Variants in COLEC10 observed in about 807,000 individuals in gnomAD.
COLEC10 encodes collectin-10.
Under a neutral mutation model 28.4 loss-of-function variants are expected in COLEC10, and 22 were observed. The ratio of observed to expected loss-of-function variants is 0.78; its 90% CI spans 0.55 to 1.11. COLEC10 has a LOEUF of 1.11. Ranked by LOEUF, COLEC10 falls within the 50% of genes least tolerant of loss-of-function variation. The pLI is 0.00. For missense variants in COLEC10, 361 were observed against 344.1 expected (o/e 1.05, Z -0.39); for synonymous variants, 125 against 116.1 (o/e 1.08, Z -0.49).
intron 2 of COLEC10, among the ~76,000 whole-genome samples, chr8:119,017,189 T>C (rs1814010060): frequency 6.6e-6 from 1 of 152,140 alleles, no homozygotes; most frequent in African/African-American, 2.4e-5. Context: ...TATCCGAGGA[T>C]ATATTGCTAG....
chr8:118,964,430 C>CA, the COLEC10 span, among the ~76,000 whole-genome samples: 1 of 152,110 alleles, frequency 6.6e-6, no homozygotes, highest in Non-Finnish European at 1.5e-5. Context: ...ATAAACTCTC[C>CA]AGTCCTCAGT....
chr8:119,105,444 A>G (rs1420807638), intron 5 of COLEC10, among the ~76,000 whole-genome samples: 1 of 152,160 alleles, frequency 6.6e-6, no homozygotes, highest in African/African-American at 2.4e-5. Context: ...TGGAAGTATA[A>G]GAGAAAAGGG....
At chr8:119,033,879 T>C (rs1422406582) in intron 2 of COLEC10, among the ~76,000 whole-genome samples, 1 of 152,174 alleles carries the variant, frequency 6.6e-6, no homozygotes, top group Non-Finnish European at 1.5e-5. Context: ...GACCCAGCAA[T>C]CCTATTATTG....
chr8:119,011,991 A>C (rs957375097), intron 2 of COLEC10, among the ~76,000 whole-genome samples: 4 of 150,502 alleles, frequency 2.7e-5, no homozygotes, highest in Non-Finnish European at 5.9e-5. Context: ...ACTTCTTTTC[A>C]GTATGATATT....
chr8:119,014,054 C>A lies in COLEC10; in HGVS notation n.235+4501C>A, dbSNP rs1392943695. On this transcript the variant is annotated intron_variant and non_coding_transcript_variant, in intron 2 of 6. Coordinates refer to the COLEC10 transcript ENST00000521788. ...ACTCACACAGACACATATACACACA[C>A]ATTCAAATACATTGCTGCTATTATA... Among the ~76,000 whole-genome samples, 5 of 150,822 alleles carry A rather than the reference C, an allele frequency of 3.3e-5. 1 individual carries two copies. In the Middle Eastern group the frequency reaches 0.01, roughly 308 times the overall value.
chr8:119,100,718 C>T (rs1815809577), intron 3 of COLEC10, among the ~76,000 whole-genome samples: 1 of 152,180 alleles, frequency 6.6e-6, no homozygotes, highest in Non-Finnish European at 1.5e-5. Flanking sequence ...ACTATGTTAT[C>T]TCTCTGTTCA....
chr8:118,964,582 G>T, the COLEC10 span, among the ~76,000 whole-genome samples: 1 of 152,120 alleles, frequency 6.6e-6, no homozygotes, highest in Non-Finnish European at 1.5e-5. Context: ...TTTCTGTAGG[G>T]CACTGAAGAA....
chr8:118,992,694 A>G (rs1813522375), upstream of COLEC10, among the ~76,000 whole-genome samples: 1 of 152,174 alleles, frequency 6.6e-6, no homozygotes, highest in African/African-American at 2.4e-5. Context: ...AGAAACTATG[A>G]TAAACTACCC....
chr8:119,075,137 T>C (rs1815202161), intron 1 of COLEC10, among the ~76,000 whole-genome samples: 6 of 152,224 alleles, frequency 3.9e-5, no homozygotes, highest in Admixed American at 3.9e-4. Context: ...AGGCAGGCTA[T>C]TCTACTGGCC....
At chr8:119,095,279 TG>T (rs1815688478) in intron 3 of COLEC10, among the ~76,000 whole-genome samples, 1 of 152,254 alleles carries the variant, frequency 6.6e-6, no homozygotes, top group African/African-American at 2.4e-5. Context: ...CTACACATAA[TG>T]GACAAGAAAT....
intron 1 of COLEC10, among the ~76,000 whole-genome samples, chr8:119,085,616 T>TG (rs1815464585): frequency 9.7e-6 from 1 of 103,070 alleles, no homozygotes; most frequent in Non-Finnish European, 2.2e-5. Flanking sequence ...TTTTTTTTTT[T>TG]TTTTTTGTTG....
chr8:119,002,522 C>A (rs914786325), intron 1 of COLEC10, among the ~76,000 whole-genome samples: 1 of 152,068 alleles, frequency 6.6e-6, no homozygotes, highest in Non-Finnish European at 1.5e-5. Context: ...ACTCTGGATT[C>A]GGGGCCAGGA....
At chr8:118,968,644 A>G in the COLEC10 span, among the ~76,000 whole-genome samples, 1 of 151,898 alleles carries the variant, frequency 6.6e-6, no homozygotes, top group Non-Finnish European at 1.5e-5. Flanking sequence ...ATACACACAC[A>G]CATTAAATTC....
intron 1 of COLEC10, among the ~76,000 whole-genome samples, chr8:119,073,679 A>C (rs193244728): frequency 3.9e-5 from 6 of 152,236 alleles, no homozygotes; most frequent in Admixed American, 3.3e-4. Context: ...GGAAGAATAA[A>C]ATTCCAGTCA....
chr8:118,983,152 T>G, the COLEC10 span, among the ~76,000 whole-genome samples: 1 of 152,150 alleles, frequency 6.6e-6, no homozygotes, highest in African/African-American at 2.4e-5. Flanking sequence ...AGAATTAGAG[T>G]GAGATCCTTT....
intron 3 of COLEC10, among the ~76,000 whole-genome samples, chr8:119,092,310 G>A (rs905789250): frequency 6.6e-6 from 1 of 152,006 alleles, no homozygotes; most frequent in Non-Finnish European, 1.5e-5. Context: ...GACCTCAGGT[G>A]ATCTGCCCGC....
intron 2 of COLEC10, among the ~76,000 whole-genome samples, chr8:119,048,415 T>G (rs1814620221): frequency 6.6e-6 from 1 of 152,210 alleles, no homozygotes; most frequent in African/African-American, 2.4e-5. Context: ...TTTTATGACT[T>G]GATAATCTAA....
intron 4 of COLEC10, chr8:119,102,723 T>G (rs947330627): frequency 2.4e-5 from 6 of 253,318 alleles, no homozygotes; most frequent in African/African-American, 1.4e-4. Flanking sequence ...TGCCATGCCT[T>G]GCCTTTCACT....
intron 2 of COLEC10, among the ~76,000 whole-genome samples, chr8:119,052,502 A>C (rs1169994596): frequency 6.6e-6 from 1 of 152,160 alleles, no homozygotes; most frequent in Non-Finnish European, 1.5e-5. Flanking sequence ...ACTGGCCTTA[A>C]TTTCTAAGAT....
Sources: gnomAD v4.1 joint callset for allele counts (sites outside exome capture counted in the v4.1 genomes callset) on GRCh38, gnomAD v4.1.1 for gene constraint, MANE v1.5 for transcripts, NCBI Gene and HGNC (gene_info 2026-07-23, HGNC 2026-07-21) for gene names.